The following ARL4D variants were observed in gnomAD, a reference collection of about 807,000 sequenced individuals.
ARL4D encodes ARF like GTPase 4D.
A neutral mutation model predicts 0.6 loss-of-function variants in ARL4D; 1 was observed. That is an observed-to-expected ratio of 1.64 (90% confidence interval 0.58 to 7.76). ARL4D has a LOEUF of 7.76. Among genes scored for constraint, ARL4D ranks in the 30% most tolerant of loss-of-function variants. The pLI, the probability that ARL4D is intolerant of heterozygous loss-of-function variation, is 0.14. For missense variants in ARL4D, 230 were observed against 264.5 expected, an observed-to-expected ratio of 0.87 and a Z score of 0.90; for synonymous variants, 102 against 115.2, an observed-to-expected ratio of 0.89 and a Z score of 0.73.
rs756872247 is a variant in ARL4D, at chr17:43,399,761, C to T, written c.29C>T (p.Pro10Leu). The change falls in exon 2 of 2, where the codon CCC becomes CTC. Residue 10 changes from proline (P) to leucine (L), a missense_variant. By Grantham distance (98) the Pro-to-Leu change is moderately conservative (BLOSUM62 -3). This residue lies in a region of ARL4D where 91 missense variants were observed against 100.4 expected (regional missense o/e 0.91). Coordinates refer to ENST00000320033, the MANE Select transcript of ARL4D (RefSeq NM_001661.4). ...GGGAACCACTTGACTGAGATGGCGC[C>T]CACTGCCTCCTCCTTCTTGCCCCAC... MGNHLTEMA[P>L]TASSFLPHFQ... 17 of 1,613,586 alleles carry T rather than the reference C, an allele frequency of 1.1e-5. No homozygotes were observed. Among genetic ancestry groups the T allele is most frequent in the East Asian group, 2.2e-5 (1 of 44,842 alleles).
intron 1 of ARL4D, 37 bp from the exon 2 acceptor site, chr17:43,399,624 C>G: frequency 7.3e-7 from 1 of 1,365,486 alleles, no homozygotes; most frequent in Non-Finnish European, 9.9e-7. Context: ...TATTATTAAA[C>G]GTCTCCTTTT....
chr17:43,399,517 T>G, intron 1 of ARL4D, 144 bp from the exon 2 acceptor site: 1 of 619,890 alleles, frequency 1.6e-6, no homozygotes, highest in Non-Finnish European at 2.6e-6. Context: ...ACACCTCTGT[T>G]ATGCCTTAAA....
At position 43,400,464 on chromosome 17, in the gene ARL4D, G is replaced by C. The variant is rs2058083833; in HGVS notation, c.*126G>C. 3.9e-6 allele frequency: 5 copies of C among 1,298,444 alleles called. No individual in the cohort carries two copies. The highest frequency in any genetic ancestry group is 1.0e-6 in the Non-Finnish European group (1 of 953,570). The allele number at this position is 1,298,444 out of a possible 1,614,324, so 80.4% of individuals were successfully genotyped here. ...GACCTGTCCACCTCAATGAAGGAGA[G>C]AGGAGCATGGGGTGTCCCGTTTTGG... On this transcript the variant is annotated 3_prime_UTR_variant, in exon 2 of 2. Coordinates refer to ENST00000320033, the MANE Select transcript of ARL4D (RefSeq NM_001661.4).
chr17:43,400,880 GTTA>G lies in ARL4D; in HGVS notation c.*546_*548del, dbSNP rs1160680157. ...AGCTGTGTGTGTCCTCTGTATTATT[GTTA>G]TTAACTATTTTTTAGCATTTGCCTG... is the stretch of plus-strand genomic sequence containing the variant. On this transcript the variant is annotated 3_prime_UTR_variant, in exon 2 of 2. Transcript: ENST00000320033. The G allele has an allele frequency of 6.0e-6, 1 of 167,840 alleles. No homozygotes were observed. Among genetic ancestry groups the G allele is most frequent in the Non-Finnish European group, 1.5e-5 (1 of 68,810 alleles). The allele number at this position is 167,840 out of a possible 1,614,324, so 10.4% of individuals were successfully genotyped here.
intron 1 of ARL4D, 133 bp from the exon 2 acceptor site, chr17:43,399,524 TAAAA>T (rs3071190): frequency 2.5e-3 from 1,344 of 537,434 alleles, no homozygotes; most frequent in Middle Eastern, 4.6e-3. Context: ...TGTTATGCCT[TAAAA>T]AAAAAAAAAA....
At position 43,400,218 on chromosome 17, in the gene ARL4D, C is replaced by G. The variant is rs930229985; in HGVS notation, c.486C>G (p.Leu162=). ...LAVRELAAAT[L]THVQGCSAVD... The stretch of plus-strand genomic sequence containing the variant: ...TCCGAGAGCTAGCAGCCGCCACTCT[C>G]ACTCATGTGCAAGGCTGCAGCGCTG... The change falls in exon 2 of 2, where the codon CTC becomes CTG. Residue 162 remains leucine (L), a synonymous_variant. Transcript: ENST00000320033. 12 of 1,602,532 alleles carry G rather than the reference C, an allele frequency of 7.5e-6. No individual in the cohort carries two copies. The highest frequency in any genetic ancestry group is 1.7e-5 in the Admixed American group (1 of 58,010).
chr17:43,399,747 G>A lies in ARL4D; in HGVS notation c.15G>A (p.Leu5=). MGNH[L]TEMAPTASSF... is the part of the protein sequence containing the mutation. The stretch of plus-strand genomic sequence containing the variant: ...CTTAGCTCACTATGGGGAACCACTT[G>A]ACTGAGATGGCGCCCACTGCCTCCT... The change falls in exon 2 of 2, where the codon TTG becomes TTA. Residue 5 remains leucine, a synonymous_variant. Coordinates refer to ENST00000320033, the MANE Select transcript of ARL4D (RefSeq NM_001661.4). The A allele has an allele frequency of 6.2e-7, 1 of 1,612,914 alleles. No individual in the cohort carries two copies. The highest frequency in any genetic ancestry group is 1.1e-5 in the South Asian group (1 of 91,044).
chr17:43,401,026 G>A lies in ARL4D; in HGVS notation c.*688G>A, dbSNP rs1384895427. The A allele has an allele frequency of 4.2e-5, 7 of 167,114 alleles. No individual in the cohort carries two copies. In the East Asian group the frequency reaches 1.2e-3, roughly 28 times the overall value. The allele number at this position is 167,114 out of a possible 1,614,324, so 10.4% of individuals were successfully genotyped here. A position where few individuals can be genotyped will look rare whatever the true frequency, so the allele number is the denominator to read the frequency against. On this transcript the variant is annotated 3_prime_UTR_variant, in exon 2 of 2. Transcript: ENST00000320033. The stretch of plus-strand genomic sequence containing the variant: ...TATGGGGTTGTGGCGCAGGGGGAGG[G>A]AGATTTATCTTGAAGCTGAATTTGC...
Position 43,400,391 on chromosome 17 carries a change from C to A in ARL4D, c.*53C>A. 6.6e-7 allele frequency: 1 copy of A among 1,524,702 alleles called. No individual in the cohort carries two copies. The highest frequency in any genetic ancestry group is 8.8e-7 in the Non-Finnish European group (1 of 1,137,942). The allele number at this position is 1,524,702 out of a possible 1,614,324, so 94.4% of individuals were successfully genotyped here. ...CCTAGTAGGGGTCTGCACACTTGGACAGCAGGGTGGGACCAGCCTGTGACC... is the reference window on the plus strand; with the variant it reads ...CCTAGTAGGGGTCTGCACACTTGGAAAGCAGGGTGGGACCAGCCTGTGACC... On this transcript the variant is annotated 3_prime_UTR_variant, in exon 2 of 2. Coordinates refer to ENST00000320033, the MANE Select transcript of ARL4D (RefSeq NM_001661.4).
Position 43,399,960 on chromosome 17 carries a change from C to T in ARL4D, c.228C>T (p.Asp76=), listed in dbSNP as rs147319702. The change falls in exon 2 of 2, where the codon GAC becomes GAT. Residue 76 remains aspartate, a synonymous_variant. Coordinates refer to ENST00000320033, the MANE Select transcript of ARL4D (RefSeq NM_001661.4). The part of the protein sequence containing the change: ...GSRGITFQVW[D]VGGQEKLRPL... ...GTGGCATCACCTTCCAAGTGTGGGACGTCGGGGGGCAGGAGAAGCTGCGAC... is the reference window on the plus strand; with the variant it reads ...GTGGCATCACCTTCCAAGTGTGGGATGTCGGGGGGCAGGAGAAGCTGCGAC... The T allele has an allele frequency of 3.1e-5, 50 of 1,613,790 alleles. No individual in the cohort carries two copies. The highest frequency in any genetic ancestry group is 4.1e-5 in the Non-Finnish European group (48 of 1,180,024).
intron 1 of ARL4D, 85 bp from the exon 2 acceptor site, chr17:43,399,576 G>T: frequency 2.2e-6 from 2 of 893,832 alleles, no homozygotes; most frequent in South Asian, 1.9e-5. Flanking sequence ...ATGGGAGGGT[G>T]ATTTAGGAAG....
At chr17:43,399,539 A>G in intron 1 of ARL4D, 122 bp from the exon 2 acceptor site, 1 of 754,840 alleles carries the variant, frequency 1.3e-6, no homozygotes, top group Non-Finnish European at 2.0e-6. Flanking sequence ...AAAAAAAAAA[A>G]AAGGAAAGGA....
Position 43,400,010 on chromosome 17 carries a change from G to C in ARL4D, c.278G>C (p.Arg93Pro). 11 of 1,614,024 alleles carry C rather than the reference G, an allele frequency of 6.8e-6. No individual in the cohort carries two copies. Among genetic ancestry groups the C allele is most frequent in the Non-Finnish European group, 9.3e-6 (11 of 1,180,026 alleles). ...CCACTGTGGCGCTCTTATACCCGCC[G>C]GACAGACGGTCTAGTGTTTGTGGTG... is the stretch of plus-strand genomic sequence containing the variant. ...LRPLWRSYTR[R>P]TDGLVFVVDA... The change falls in exon 2 of 2, where the codon CGG becomes CCG. Residue 93 changes from arginine to proline, a missense_variant. Coordinates refer to ENST00000320033, the MANE Select transcript of ARL4D (RefSeq NM_001661.4).
At position 43,399,972 on chromosome 17, in the gene ARL4D, G is replaced by A; in HGVS notation, c.240G>A (p.Gln80=). 6.2e-7 allele frequency: 1 copy of A among 1,614,082 alleles called. No homozygotes were observed. The highest frequency in any genetic ancestry group is 8.5e-7 in the Non-Finnish European group (1 of 1,180,032). Residue 80 remains glutamine (Q), a synonymous_variant, in exon 2 of 2, where the codon CAG becomes CAA. Coordinates refer to ENST00000320033, the MANE Select transcript of ARL4D (RefSeq NM_001661.4). ...ITFQVWDVGG[Q]EKLRPLWRSY... ...TCCAAGTGTGGGACGTCGGGGGGCA[G>A]GAGAAGCTGCGACCACTGTGGCGCT...
chr17:43,399,536 A>G lies in ARL4D; in HGVS notation c.-72-125A>G, dbSNP rs926245405. The G allele has an allele frequency of 1.8e-5, 14 of 761,900 alleles. No individual in the cohort carries two copies. In the Admixed American group the frequency reaches 1.9e-4, roughly 10 times the overall value. The allele number at this position is 761,900 out of a possible 1,614,324, so 47.2% of individuals were successfully genotyped here. ...CTCTGTTATGCCTTAAAAAAAAAAAAAAAAAGGAAAGGAATTTTAAAAATG... is the reference window on the plus strand; with the variant it reads ...CTCTGTTATGCCTTAAAAAAAAAAAGAAAAAGGAAAGGAATTTTAAAAATG... On this transcript the variant is annotated intron_variant, in intron 1 of 1. Coordinates refer to ENST00000320033, the MANE Select transcript of ARL4D (RefSeq NM_001661.4).
At chr17:43,399,442 C>T (rs961719855) in intron 1 of ARL4D, among the ~76,000 whole-genome samples, 1 of 151,350 alleles carries the variant, frequency 6.6e-6, no homozygotes, top group African/African-American at 2.4e-5. Flanking sequence ...ACTTGAGTGG[C>T]CCAGGACCTG....
At position 43,399,067 on chromosome 17, in the gene ARL4D, G is replaced by C. The variant is rs2058076723; in HGVS notation, c.-99G>C. 1 of 152,470 alleles carries C rather than the reference G, an allele frequency of 6.6e-6. No homozygotes were observed. The highest frequency in any genetic ancestry group is 2.1e-4 in the South Asian group (1 of 4,852). The allele number at this position is 152,470 out of a possible 1,614,324, so 9.4% of individuals were successfully genotyped here. Reference sequence around the variant, plus strand: ...CGGCTGCGGTGTTTCACCGGGAAAGGCTCGAGGAGAGCGCGGCTCACGAGA... The same window carrying C: ...CGGCTGCGGTGTTTCACCGGGAAAGCCTCGAGGAGAGCGCGGCTCACGAGA... On this transcript the variant is annotated 5_prime_UTR_variant, in exon 1 of 2. Coordinates refer to ENST00000320033, the MANE Select transcript of ARL4D (RefSeq NM_001661.4).
Position 43,400,950 on chromosome 17 carries a change from T to TG in ARL4D, c.*616dup, listed in dbSNP as rs1285207647. On this transcript the variant is annotated 3_prime_UTR_variant, in exon 2 of 2. Coordinates refer to ENST00000320033, the MANE Select transcript of ARL4D (RefSeq NM_001661.4). ...GATAACTGTAGCTCTTACCTTGGTC[T>TG]GGGGCATTTTCCTCTCCTTATCTTG... 1 of 167,120 alleles carries TG rather than the reference T, an allele frequency of 6.0e-6. No individual in the cohort carries two copies. The highest frequency in any genetic ancestry group is 1.5e-5 in the Non-Finnish European group (1 of 68,136). The allele number at this position is 167,120 out of a possible 1,614,324, so 10.4% of individuals were successfully genotyped here.
chr17:43,399,370 G>T (rs902028554), intron 1 of ARL4D, among the ~76,000 whole-genome samples: 4 of 151,934 alleles, frequency 2.6e-5, no homozygotes, highest in African/African-American at 9.7e-5. Context: ...GGGGGATGGC[G>T]CCATAAGCTC....
Sources: gnomAD v4.1 joint callset for allele counts (sites outside exome capture counted in the v4.1 genomes callset) on GRCh38, gnomAD v4.1.1 for gene constraint, gnomAD v4.1.1 regional missense constraint, MANE v1.5 for transcripts, NCBI Gene and HGNC (gene_info 2026-07-23, HGNC 2026-07-21) for gene names.